The following ADAMTS17 variants were observed in gnomAD, a reference collection of about 807,000 sequenced individuals.
ADAMTS17 encodes the protein A disintegrin and metalloproteinase with thrombospondin motifs 17.
In ADAMTS17, 113 loss-of-function variants were observed where a neutral mutation model predicts 141.5. The observed-to-expected ratio is 0.80, with a 90% CI of 0.69 to 0.93. ADAMTS17 has a LOEUF of 0.93. Among genes scored for constraint, ADAMTS17 ranks in the 40% least tolerant of loss-of-function variants. ADAMTS17 has a pLI of 0.00. For missense variants in ADAMTS17, 1,659 were observed against 1,517.9 expected, an observed-to-expected ratio of 1.09 and a Z score of -1.54; for synonymous variants, 768 against 630.6, an observed-to-expected ratio of 1.22 and a Z score of -3.27.
chr15:100,012,192 C>A (rs2061199049), intron 18 of ADAMTS17, among the ~76,000 whole-genome samples: 1 of 152,174 alleles, frequency 6.6e-6, no homozygotes. Context: ...TGTATATCTT[C>A]TTTTGAGAAC....
chr15:100,031,268 T>C (rs917961397), intron 18 of ADAMTS17, among the ~76,000 whole-genome samples: 3 of 152,230 alleles, frequency 2.0e-5, no homozygotes, highest in African/African-American at 7.2e-5. Flanking sequence ...ACAAATTGCA[T>C]GTCTTCCTGC....
rs966089063 is a variant in ADAMTS17 at position 100,168,175 on chromosome 15, G to A, written c.1182-12855C>T. Among the ~76,000 whole-genome samples the A allele has an allele frequency of 5.3e-5, 8 of 152,312 alleles. No homozygotes were observed. In the East Asian group the frequency reaches 1.2e-3, roughly 22 times the overall value. Reference sequence around the variant, plus strand: ...GGAGGGCTCCGAGGATGCAGCTCATGGCTCCATTCACCTCTCCTGGTCTGC... The same window carrying A: ...GGAGGGCTCCGAGGATGCAGCTCATAGCTCCATTCACCTCTCCTGGTCTGC... On this transcript the variant is annotated intron_variant, in intron 8 of 21. Transcript: ENST00000268070.
Position 100,105,749 on chromosome 15 carries a change from G to A in ADAMTS17, c.2016+3240C>T, listed in dbSNP as rs139476779. ...GTCGCCCAGGCTGGAGTGCAATGGT[G>A]CAATCTCGGCTCACTGCATCCTCCA... On this transcript the variant is annotated intron_variant, in intron 14 of 21. Transcript: ENST00000268070. Among the ~76,000 whole-genome samples, 274 of 152,082 alleles carry A rather than the reference G, an allele frequency of 1.8e-3. 1 individual carries two copies. The highest frequency in any genetic ancestry group is 6.4e-3 in the African/African-American group (267 of 41,462).
intron 18 of ADAMTS17, among the ~76,000 whole-genome samples, chr15:100,030,950 G>A (rs2030096286): frequency 6.6e-6 from 1 of 152,224 alleles, no homozygotes; most frequent in Non-Finnish European, 1.5e-5. Flanking sequence ...GCTGGCTGAT[G>A]TTCATCATCG....
At chr15:100,028,954 A>G (rs79581843) in intron 18 of ADAMTS17, among the ~76,000 whole-genome samples, 1 of 152,180 alleles carries the variant, frequency 6.6e-6, no homozygotes, top group African/African-American at 2.4e-5. Flanking sequence ...AACAACCACA[A>G]AAAGTTATCT....
intron 12 of ADAMTS17, among the ~76,000 whole-genome samples, chr15:100,120,730 C>A (rs967869618): frequency 4.6e-5 from 7 of 152,178 alleles, no homozygotes; most frequent in Non-Finnish European, 5.9e-5. Context: ...AAAACAAAAC[C>A]AAACACCCTG....
At chr15:100,194,432 G>A (rs79864333) in intron 8 of ADAMTS17, among the ~76,000 whole-genome samples, 3,048 of 152,246 alleles carry the variant, frequency 0.02, 109 homozygotes, top group African/African-American at 0.068. Context: ...CTTTTATACC[G>A]GAGCTTCCAA....
chr15:100,143,088 C>T (rs1003689975), intron 10 of ADAMTS17, among the ~76,000 whole-genome samples: 1 of 152,170 alleles, frequency 6.6e-6, no homozygotes, highest in African/African-American at 2.4e-5. Context: ...GGTCATTAAA[C>T]AGCACCTTTC....
At chr15:100,251,935 C>G (rs527487078) in intron 7 of ADAMTS17, among the ~76,000 whole-genome samples, 1 of 152,292 alleles carries the variant, frequency 6.6e-6, no homozygotes, top group East Asian at 1.9e-4. Flanking sequence ...TCTGCCGACA[C>G]CTGGATCTAG....
rs890399405 is a variant in ADAMTS17, at chr15:100,212,599, G to GA, written c.1076-13177dup. Among the ~76,000 whole-genome samples the GA allele has an allele frequency of 8.3e-3, 1,218 of 146,788 alleles. 17 individuals are homozygous for GA. The highest frequency in any genetic ancestry group is 0.03 in the Admixed American group (446 of 14,756). ...GAATGTAATCAAAGACATTCCCTAG[G>GA]AAAAAAAAAACCCTCTCTGATGAGC... On this transcript the variant is annotated intron_variant, in intron 7 of 21. Transcript: ENST00000268070.
At chr15:100,087,669 C>T (rs8034052) in intron 15 of ADAMTS17, among the ~76,000 whole-genome samples, 49,964 of 152,068 alleles carry the variant, frequency 0.33, 10,514 homozygotes, top group East Asian at 0.58. Flanking sequence ...TCCTGGGATG[C>T]AAGGCTGGTT....
At chr15:100,162,868 A>G (rs547540544) in intron 8 of ADAMTS17, among the ~76,000 whole-genome samples, 1 of 142,168 alleles carries the variant, frequency 7.0e-6, no homozygotes, top group South Asian at 2.2e-4. Context: ...GTGTATATAT[A>G]TAACTATATG....
intron 18 of ADAMTS17, among the ~76,000 whole-genome samples, chr15:100,007,319 G>A (rs1170593532): frequency 1.3e-5 from 2 of 152,184 alleles, no homozygotes; most frequent in East Asian, 1.9e-4. Flanking sequence ...TGGGAGAGAG[G>A]TGGCCTTTGG....
At chr15:100,000,017 A>G (rs915102740) in intron 18 of ADAMTS17, among the ~76,000 whole-genome samples, 1 of 152,156 alleles carries the variant, frequency 6.6e-6, no homozygotes, top group Admixed American at 6.5e-5. Flanking sequence ...TGGGAGCCAC[A>G]GTGACTCCCT....
chr15:100,334,704 C>T (rs777615916), intron 2 of ADAMTS17, among the ~76,000 whole-genome samples: 7 of 152,164 alleles, frequency 4.6e-5, no homozygotes, highest in Non-Finnish European at 8.8e-5. Context: ...ACCTGGAGGG[C>T]CCCTCCCCCG....
intron 10 of ADAMTS17, among the ~76,000 whole-genome samples, chr15:100,140,077 C>A (rs560727415): frequency 5.3e-5 from 8 of 152,252 alleles, no homozygotes; most frequent in Admixed American, 5.2e-4. Flanking sequence ...CTCACTGCAA[C>A]CTCCGCCTCC....
chr15:100,169,886 A>C (rs2040095287), intron 8 of ADAMTS17, among the ~76,000 whole-genome samples: 1 of 152,110 alleles, frequency 6.6e-6, no homozygotes, highest in Non-Finnish European at 1.5e-5. Context: ...GCTTGAAGCA[A>C]TGACACCTCT....
chr15:99,991,254 A>T (rs552272108), intron 20 of ADAMTS17, among the ~76,000 whole-genome samples: 1 of 152,316 alleles, frequency 6.6e-6, no homozygotes, highest in Admixed American at 6.5e-5. Flanking sequence ...ATGGGAAAAA[A>T]TTTTGCAATC....
intron 4 of ADAMTS17, among the ~76,000 whole-genome samples, chr15:100,277,877 A>C (rs1013367996): frequency 6.6e-6 from 1 of 152,280 alleles, no homozygotes; most frequent in Non-Finnish European, 1.5e-5. Context: ...CAAAAGGTAG[A>C]AACAACCCAG....
Sources: allele counts gnomAD v4.1 joint callset (sites outside exome capture counted in the v4.1 genomes callset), GRCh38; gene constraint gnomAD v4.1.1; transcripts MANE v1.5; gene names NCBI Gene and HGNC (gene_info 2026-07-23, HGNC 2026-07-21).